Variants in PITPNC1 observed in about 807,000 individuals in gnomAD.
PITPNC1 encodes the protein phosphatidylinositol transfer protein cytoplasmic 1.
A neutral mutation model predicts 44.7 loss-of-function variants in PITPNC1; 18 were observed. The observed-to-expected ratio is 0.40, with a 90% CI of 0.28 to 0.60. The LOEUF is 0.60. Among genes scored for constraint, PITPNC1 ranks in the 20% least tolerant of loss-of-function variants. The probability of loss-of-function intolerance (pLI) is 0.39; values close to 1 mark genes in which losing one functional copy is unlikely to be tolerated. For synonymous variants in PITPNC1, 141 were observed against 149.6 expected (o/e 0.94, Z 0.42); for missense variants, 290 against 418.4 (o/e 0.69, Z 2.68).
intron 6 of PITPNC1, among the ~76,000 whole-genome samples, chr17:67,650,179 T>A (rs1403799232): frequency 6.6e-6 from 1 of 151,824 alleles, no homozygotes; most frequent in African/African-American, 2.4e-5. Flanking sequence ...ATTCCAGGAG[T>A]TTTTGGAGCA....
At chr17:67,379,994 C>T (rs2037932484) in intron 1 of PITPNC1, among the ~76,000 whole-genome samples, 2 of 152,112 alleles carry the variant, frequency 1.3e-5, no homozygotes, top group African/African-American at 2.4e-5. Context: ...GAAATACCCA[C>T]AGGTATACCG....
chr17:67,494,185 T>TTCTTTCTTTCTTTCTTTCTTTCTTCTTTC, intron 1 of PITPNC1, among the ~76,000 whole-genome samples: 1 of 102,428 alleles, frequency 9.8e-6, no homozygotes, highest in African/African-American at 3.8e-5. Context: ...CTTTCTTTCT[T>TTCTTTCTTTCTTTCTTTCTTTCTTCTTTC]TTTCTTTCTT....
intron 1 of PITPNC1, among the ~76,000 whole-genome samples, chr17:67,398,093 CAAAAAAA>C (rs534488396): frequency 3.1e-5 from 3 of 97,848 alleles, no homozygotes; most frequent in African/African-American, 1.0e-4. Context: ...ACTCCGTCTC[CAAAAAAA>C]AAAAAAAAAA....
intron 1 of PITPNC1, among the ~76,000 whole-genome samples, chr17:67,433,457 C>T (rs763430122): frequency 6.6e-5 from 10 of 152,114 alleles, no homozygotes; most frequent in Non-Finnish European, 1.3e-4. Context: ...AGAGAGGAAG[C>T]TGGGGAGCCG....
intron 1 of PITPNC1, among the ~76,000 whole-genome samples, chr17:67,394,583 C>G (rs769642297): frequency 6.6e-5 from 10 of 152,224 alleles, no homozygotes; most frequent in Non-Finnish European, 1.5e-4. Flanking sequence ...GTAGACATCA[C>G]TAGGAGAACT....
rs560790207 is a variant in PITPNC1 at position 67,539,341 on chromosome 17, A to C, written c.197+6391A>C. Among the ~76,000 whole-genome samples the C allele has an allele frequency of 1.4e-4, 21 of 152,330 alleles. 1 individual carries two copies. In the South Asian group the frequency reaches 4.1e-3, roughly 30 times the overall value. ...AGCCCTAGAAAAATTCTTGCACTGT[A>C]CACAAGGAGACATTTACCAGGAGAT... is the stretch of plus-strand genomic sequence containing the variant. On this transcript the variant is annotated intron_variant, in intron 2 of 8. Coordinates refer to ENST00000581322, the MANE Select transcript of PITPNC1 (RefSeq NM_012417.4).
At chr17:67,452,066 G>A (rs958049901) in intron 1 of PITPNC1, among the ~76,000 whole-genome samples, 3 of 151,836 alleles carry the variant, frequency 2.0e-5, no homozygotes, top group Non-Finnish European at 4.4e-5. Context: ...AGGCTAGAGT[G>A]CAATCACAGT....
Position 67,462,225 on chromosome 17 carries a change from C to CTTTTTTTTTTTTTTTTTT in PITPNC1, c.49-70572_49-70555dup, listed in dbSNP as rs549707875. 3.1e-4 allele frequency among the ~76,000 whole-genome samples: 22 copies of CTTTTTTTTTTTTTTTTTT among 71,256 alleles called. 1 individual carries two copies. Among genetic ancestry groups the CTTTTTTTTTTTTTTTTTT allele is most frequent in the Non-Finnish European group, 4.1e-4 (16 of 39,422 alleles). The allele number at this position is 71,256 out of a possible 152,430, so 46.7% of individuals were successfully genotyped here. ...CTTTTCTTTTTCTCTTTCTTTCTTT[C>CTTTTTTTTTTTTTTTTTT]TTTTTTTTTTTTTTTTTTTTTTCTG... On this transcript the variant is annotated intron_variant, in intron 1 of 8. Transcript: ENST00000581322.
chr17:67,427,041 G>A lies in PITPNC1; in HGVS notation c.48+48839G>A, dbSNP rs561509511. 6.6e-5 allele frequency among the ~76,000 whole-genome samples: 10 copies of A among 152,216 alleles called. No homozygotes were observed. The East Asian group carries it at 1.7e-3, about 27-fold the overall frequency. On this transcript the variant is annotated intron_variant, in intron 1 of 8. Transcript: ENST00000581322. ...GGTCCCTGTGAGTCCTAATGGCACC[G>A]AGGTGCTGTCTCAGGTGACCTTCTC...
At chr17:67,639,541 A>G (rs1216853384) in intron 6 of PITPNC1, among the ~76,000 whole-genome samples, 1 of 152,240 alleles carries the variant, frequency 6.6e-6, no homozygotes, top group Non-Finnish European at 1.5e-5. Flanking sequence ...CAAAGGAGAA[A>G]GAATAACATG....
chr17:67,667,055 A>C (rs2042433829), intron 6 of PITPNC1, among the ~76,000 whole-genome samples: 1 of 152,138 alleles, frequency 6.6e-6, no homozygotes, highest in African/African-American at 2.4e-5. Flanking sequence ...GGACCCCTTG[A>C]CTGCCAGGTT....
At chr17:67,473,110 T>C (rs2039569643) in intron 1 of PITPNC1, among the ~76,000 whole-genome samples, 1 of 152,074 alleles carries the variant, frequency 6.6e-6, no homozygotes, top group African/African-American at 2.4e-5. Context: ...TCTCCTGACC[T>C]CGTGATCCAC....
At chr17:67,579,418 C>T (rs1341809679) in intron 5 of PITPNC1, among the ~76,000 whole-genome samples, 40 of 152,234 alleles carry the variant, frequency 2.6e-4, no homozygotes, top group Non-Finnish European at 1.6e-4. Flanking sequence ...CAGCTGGCAG[C>T]AGTACTATCC....
At chr17:67,654,937 GTTC>G (rs1287946276) in intron 6 of PITPNC1, among the ~76,000 whole-genome samples, 2 of 152,016 alleles carry the variant, frequency 1.3e-5, no homozygotes, top group Non-Finnish European at 2.9e-5. Context: ...CTGGCCAGGA[GTTC>G]TTAACACCAT....
At chr17:67,399,622 T>G (rs143701655) in intron 1 of PITPNC1, among the ~76,000 whole-genome samples, 1 of 152,340 alleles carries the variant, frequency 6.6e-6, no homozygotes, top group African/African-American at 2.4e-5. Flanking sequence ...TGAAAGAATG[T>G]GCATTAAAAT....
chr17:67,620,302 C>T (rs750052339), intron 5 of PITPNC1, among the ~76,000 whole-genome samples: 11 of 152,180 alleles, frequency 7.2e-5, no homozygotes, highest in Admixed American at 2.6e-4. Context: ...AATCCTCCTG[C>T]CTCTGCCTCC....
intron 4 of PITPNC1, among the ~76,000 whole-genome samples, chr17:67,559,661 C>T (rs1309576355): frequency 2.0e-5 from 3 of 152,044 alleles, no homozygotes; most frequent in East Asian, 3.9e-4. Flanking sequence ...CTGAGATAGG[C>T]GGATCACTTG....
chr17:67,585,377 GGA>G, intron 5 of PITPNC1, among the ~76,000 whole-genome samples: 1 of 152,204 alleles, frequency 6.6e-6, no homozygotes, highest in African/African-American at 2.4e-5. Flanking sequence ...GTTCATACGT[GGA>G]AGCTTTAGAA....
intron 1 of PITPNC1, among the ~76,000 whole-genome samples, chr17:67,428,840 T>C (rs1287512735): frequency 2.3e-4 from 5 of 21,854 alleles, no homozygotes; most frequent in Non-Finnish European, 3.0e-4. Context: ...CTTGTCTTGC[T>C]TTTTTTTTTT....
Sources: allele counts gnomAD v4.1 joint callset (sites outside exome capture counted in the v4.1 genomes callset), GRCh38; gene constraint gnomAD v4.1.1; transcripts MANE v1.5; gene names NCBI Gene and HGNC (gene_info 2026-07-23, HGNC 2026-07-21).